Variants in EIF2B3 observed in about 807,000 individuals in gnomAD.
EIF2B3 encodes eukaryotic translation initiation factor 2B subunit gamma.
EIF2B3 carries 20 observed loss-of-function variants against 54.1 expected under a neutral mutation model. The observed-to-expected ratio is 0.37, with a 90% CI of 0.26 to 0.54. EIF2B3 has a LOEUF of 0.54. Ranked by LOEUF, EIF2B3 falls within the 20% of genes least tolerant of loss-of-function variation. The probability of loss-of-function intolerance (pLI) is 0.86; values close to 1 mark genes in which losing one functional copy is unlikely to be tolerated. For synonymous variants in EIF2B3, 153 were observed against 188.1 expected (o/e 0.81, Z 1.52); for missense variants, 448 against 547.8 (o/e 0.82, Z 1.82).
chr1:44,898,606 AAAG>A (rs1258774469), intron 5 of EIF2B3, among the ~76,000 whole-genome samples: 3 of 152,180 alleles, frequency 2.0e-5, no homozygotes, highest in African/African-American at 4.8e-5. Flanking sequence ...TAAAAAAAAA[AAAG>A]AAGATTCCAG....
chr1:44,955,397 A>C (rs1303683058), intron 3 of EIF2B3, among the ~76,000 whole-genome samples: 1 of 152,218 alleles, frequency 6.6e-6, no homozygotes, highest in African/African-American at 2.4e-5. Context: ...CGTAAGACCC[A>C]AAACCATAAA....
At chr1:44,965,589 T>C (rs1644328287) in intron 3 of EIF2B3, among the ~76,000 whole-genome samples, 1 of 148,276 alleles carries the variant, frequency 6.7e-6, no homozygotes, top group Non-Finnish European at 1.5e-5. Context: ...TTGGAGGCAA[T>C]ACAATAGTCA....
intron 3 of EIF2B3, among the ~76,000 whole-genome samples, chr1:44,947,374 A>C (rs2148946277): frequency 6.6e-6 from 1 of 152,292 alleles, no homozygotes; most frequent in East Asian, 1.9e-4. Flanking sequence ...AGAAAACCCA[A>C]TTACCAAGCC....
intron 3 of EIF2B3, among the ~76,000 whole-genome samples, chr1:44,952,756 G>A (rs964488010): frequency 2.7e-5 from 4 of 150,304 alleles, no homozygotes; most frequent in Admixed American, 1.3e-4. Context: ...GTTTCACTGT[G>A]TTAGCCAGGA....
intron 3 of EIF2B3, among the ~76,000 whole-genome samples, chr1:44,961,397 G>A (rs544921291): frequency 3.3e-5 from 5 of 150,808 alleles, no homozygotes; most frequent in African/African-American, 9.8e-5. Flanking sequence ...AAACAGGGCC[G>A]GGTGCATTGG....
chr1:44,956,012 G>A (rs931008966), intron 3 of EIF2B3, among the ~76,000 whole-genome samples: 7 of 152,120 alleles, frequency 4.6e-5, no homozygotes, highest in African/African-American at 1.7e-4. Context: ...TCCCATTACT[G>A]GGTATATACC....
intron 5 of EIF2B3, among the ~76,000 whole-genome samples, chr1:44,920,790 T>C (rs1396709077): frequency 1.3e-5 from 2 of 152,232 alleles, no homozygotes; most frequent in Non-Finnish European, 1.5e-5. Context: ...CATTCATCTG[T>C]TGATGGACGC....
At chr1:44,926,812 C>T (rs929017324) in intron 4 of EIF2B3, 73 bp from the exon 5 acceptor site, 7 of 1,242,548 alleles carry the variant, frequency 5.6e-6, no homozygotes, top group East Asian at 4.7e-5. Flanking sequence ...CCAGGGAACA[C>T]AGTATCTGCT....
Position 44,984,911 on chromosome 1 carries a change from A to G in EIF2B3, c.-10+1582T>C, listed in dbSNP as rs377027044. Among the ~76,000 whole-genome samples, 642 of 141,616 alleles carry G rather than the reference A, an allele frequency of 4.5e-3. 3 individuals are homozygous for G. The highest frequency in any genetic ancestry group is 8.6e-3 in the East Asian group (40 of 4,662). The allele number at this position is 141,616 out of a possible 152,430, so 92.9% of individuals were successfully genotyped here. A position where few individuals can be genotyped will look rare whatever the true frequency, so the allele number is the denominator to read the frequency against. On this transcript the variant is annotated intron_variant, in intron 1 of 11. Transcript: ENST00000360403. ...AAGCTCCGCTTCCCGGGTTCACGCCATTCTCCTGCCTCAGCCTCCCGAGTA... is the reference window on the plus strand; with the variant it reads ...AAGCTCCGCTTCCCGGGTTCACGCCGTTCTCCTGCCTCAGCCTCCCGAGTA...
chr1:44,959,899 T>G (rs1644266724), intron 3 of EIF2B3, among the ~76,000 whole-genome samples: 1 of 152,254 alleles, frequency 6.6e-6, no homozygotes, highest in Non-Finnish European at 1.5e-5. Flanking sequence ...TGTTATATGC[T>G]ACACGTCACT....
At chr1:44,953,257 A>T (rs897477551) in intron 3 of EIF2B3, among the ~76,000 whole-genome samples, 1 of 149,110 alleles carries the variant, frequency 6.7e-6, no homozygotes, top group East Asian at 1.9e-4. Flanking sequence ...TTTTCATTGA[A>T]AAAAAAGAAA....
chr1:44,949,086 T>G (rs1644134548), intron 3 of EIF2B3, among the ~76,000 whole-genome samples: 1 of 152,126 alleles, frequency 6.6e-6, no homozygotes, highest in Non-Finnish European at 1.5e-5. Context: ...CCAGGCTAGT[T>G]CTCAAACTCC....
intron 11 of EIF2B3, among the ~76,000 whole-genome samples, chr1:44,852,107 C>A (rs1370378140): frequency 4.6e-5 from 7 of 150,610 alleles, no homozygotes; most frequent in Middle Eastern, 3.4e-3. Context: ...TGACGCCACA[C>A]ATGGCTAATT....
chr1:44,852,094 A>G (rs1019168679), intron 11 of EIF2B3, among the ~76,000 whole-genome samples: 2 of 150,564 alleles, frequency 1.3e-5, no homozygotes, highest in Non-Finnish European at 2.9e-5. Flanking sequence ...GACTACAGGC[A>G]TATGACGCCA....
rs57964686 is a variant in EIF2B3, at chr1:44,978,621, C to CTTTTTTTTTTT, written c.149-172_149-162dup. Among the ~76,000 whole-genome samples, 7 of 76,638 alleles carry CTTTTTTTTTTT rather than the reference C, an allele frequency of 9.1e-5. 2 individuals are homozygous for CTTTTTTTTTTT. Among genetic ancestry groups the CTTTTTTTTTTT allele is most frequent in the African/African-American group, 3.9e-4 (6 of 15,318 alleles). 50.3% of individuals were successfully genotyped at this position (76,638 alleles called of 152,430 possible). On this transcript the variant is annotated intron_variant, in intron 2 of 11. Transcript: ENST00000360403. ...TTTACCTGCATTCCCCCAATAAATT[C>CTTTTTTTTTTT]TTTTTTTTTTTTTTTTTTTTTTTTT... is the stretch of plus-strand genomic sequence containing the variant.
intron 6 of EIF2B3, among the ~76,000 whole-genome samples, chr1:44,884,345 C>T (rs1397483087): frequency 2.0e-5 from 3 of 152,074 alleles, no homozygotes; most frequent in African/African-American, 7.2e-5. Flanking sequence ...TGCATACTTC[C>T]CACCACCTCT....
intron 5 of EIF2B3, among the ~76,000 whole-genome samples, chr1:44,919,715 C>CTTTTTTT (rs777128961): frequency 1.7e-5 from 2 of 115,888 alleles, no homozygotes; most frequent in African/African-American, 7.3e-5. Flanking sequence ...ATTGAATGTC[C>CTTTTTTT]TTTTTTTTTT....
At chr1:44,854,550 T>C (rs1387142779) in intron 11 of EIF2B3, among the ~76,000 whole-genome samples, 2 of 151,266 alleles carry the variant, frequency 1.3e-5, no homozygotes, top group Non-Finnish European at 2.9e-5. Flanking sequence ...CTCTGGAGCA[T>C]GAAAATGATT....
At chr1:44,984,797 C>CATTTTTTTT (rs1644552636) in intron 1 of EIF2B3, among the ~76,000 whole-genome samples, 1 of 88,576 alleles carries the variant, frequency 1.1e-5, no homozygotes, top group Non-Finnish European at 2.0e-5. Flanking sequence ...TAATGTCCAT[C>CATTTTTTTT]TTTTTTTTTT....
Sources: gnomAD v4.1 joint callset for allele counts (sites outside exome capture counted in the v4.1 genomes callset) on GRCh38, gnomAD v4.1.1 for gene constraint, MANE v1.5 for transcripts, NCBI Gene and HGNC (gene_info 2026-07-23, HGNC 2026-07-21) for gene names.